Variants in PCDH15 observed in about 807,000 individuals in gnomAD.
PCDH15 encodes protocadherin related 15, also known as protocadherin-15.
PCDH15 carries 129 observed loss-of-function variants against 178.5 expected under a neutral mutation model. The ratio of observed to expected loss-of-function variants is 0.72; its 90% CI spans 0.63 to 0.84. The LOEUF is 0.84. Ranked by LOEUF, PCDH15 falls within the 40% of genes least tolerant of loss-of-function variation. The pLI, the probability that PCDH15 is intolerant of heterozygous loss-of-function variation, is 0.00. For missense variants in PCDH15, 2,230 were observed against 2,099.9 expected, an observed-to-expected ratio of 1.06 and a Z score of -1.21; for synonymous variants, 800 against 732.0, an observed-to-expected ratio of 1.09 and a Z score of -1.50.
intron 2 of PCDH15, among the ~76,000 whole-genome samples, chr10:55,157,846 C>A (rs997604369): frequency 1.3e-5 from 2 of 151,748 alleles, no homozygotes; most frequent in African/African-American, 4.8e-5. Flanking sequence ...AGGAGATATA[C>A]CTAATGTAAA....
At chr10:54,137,963 G>GT (rs1308264646) in intron 14 of PCDH15, among the ~76,000 whole-genome samples, 1 of 151,918 alleles carries the variant, frequency 6.6e-6, no homozygotes, top group Non-Finnish European at 1.5e-5. Flanking sequence ...AGGTGTTTTG[G>GT]TTTTTTTCTG....
At chr10:54,744,872 G>A (rs1945258900) in intron 1 of PCDH15, among the ~76,000 whole-genome samples, 1 of 152,064 alleles carries the variant, frequency 6.6e-6, no homozygotes, top group African/African-American at 2.4e-5. Flanking sequence ...CAGTAAGGGA[G>A]CAGGAAATGA....
At chr10:53,987,293 T>G (rs1160872968) in intron 21 of PCDH15, among the ~76,000 whole-genome samples, 1 of 152,038 alleles carries the variant, frequency 6.6e-6, no homozygotes, top group Non-Finnish European at 1.5e-5. Context: ...CTAGTAGTCT[T>G]TCAAGTTTTC....
At chr10:55,341,304 A>G (rs1311610149) in intron 2 of PCDH15, among the ~76,000 whole-genome samples, 1 of 152,082 alleles carries the variant, frequency 6.6e-6, no homozygotes, top group Non-Finnish European at 1.5e-5. Flanking sequence ...AATAGAAATA[A>G]TATCATTTAT....
rs73254083 is a variant in PCDH15 at position 54,832,064 on chromosome 10, C to T, written c.-29+65386G>A. 3.7e-3 allele frequency among the ~76,000 whole-genome samples: 561 copies of T among 152,130 alleles called. 1 individual carries two copies. The highest frequency in any genetic ancestry group is 0.013 in the African/African-American group (538 of 41,526). The stretch of plus-strand genomic sequence containing the variant: ...AAATATAAACTTGTTTACAGTTTTT[C>T]TATTGCCTTTGAAGTATCTACATTT... On this transcript the variant is annotated intron_variant, in intron 3 of 5. Coordinates refer to the PCDH15 transcript ENST00000458638.
At chr10:54,508,320 T>G (rs1301694672) in intron 3 of PCDH15, among the ~76,000 whole-genome samples, 1 of 151,982 alleles carries the variant, frequency 6.6e-6, no homozygotes, top group Non-Finnish European at 1.5e-5. Flanking sequence ...AGGGCAATGC[T>G]CTTGAAGTCA....
intron 1 of PCDH15, among the ~76,000 whole-genome samples, chr10:54,678,212 A>G (rs1047283835): frequency 2.6e-5 from 4 of 152,342 alleles, no homozygotes; most frequent in South Asian, 2.1e-4. Flanking sequence ...TTAAATGCAC[A>G]TGTACCTTTA....
intron 2 of PCDH15, among the ~76,000 whole-genome samples, chr10:55,061,389 AC>A (rs1214860135): frequency 6.6e-6 from 1 of 152,146 alleles, no homozygotes; most frequent in East Asian, 1.9e-4. Context: ...AATGGTCAAA[AC>A]CCAGAACATT....
chr10:53,912,057 C>T (rs115558806), intron 25 of PCDH15, among the ~76,000 whole-genome samples: 13,857 of 152,100 alleles, frequency 0.091, 687 homozygotes, highest in African/African-American at 0.11. Context: ...ATAAAATACC[C>T]GCAAACTGAA....
At chr10:54,206,183 T>C (rs1591164298) in intron 10 of PCDH15, among the ~76,000 whole-genome samples, 1 of 152,248 alleles carries the variant, frequency 6.6e-6, no homozygotes, top group Non-Finnish European at 1.5e-5. Context: ...TACCTTTCAA[T>C]GATAAAAATC....
At chr10:54,938,858 C>T (rs1203135500) in intron 2 of PCDH15, among the ~76,000 whole-genome samples, 2 of 152,012 alleles carry the variant, frequency 1.3e-5, no homozygotes, top group Non-Finnish European at 2.9e-5. Context: ...TATAGAAAAA[C>T]GTAAAGTTTC....
intron 1 of PCDH15, among the ~76,000 whole-genome samples, chr10:55,276,401 TC>T (rs1842597137): frequency 6.6e-6 from 1 of 151,246 alleles, no homozygotes; most frequent in South Asian, 2.1e-4. Context: ...TCATAGTATT[TC>T]TAATTTGCTA....
At chr10:54,967,516 CT>C (rs1838823427) in intron 2 of PCDH15, among the ~76,000 whole-genome samples, 1 of 152,060 alleles carries the variant, frequency 6.6e-6, no homozygotes, top group African/African-American at 2.4e-5. Flanking sequence ...GCTTCTTTCA[CT>C]TAACATAATT....
At chr10:54,641,658 CTCT>C (rs2093992035) in intron 2 of PCDH15, among the ~76,000 whole-genome samples, 1 of 152,014 alleles carries the variant, frequency 6.6e-6, no homozygotes. Context: ...ATTTTTCAAT[CTCT>C]TCACTTGTCT....
intron 2 of PCDH15, among the ~76,000 whole-genome samples, chr10:54,930,507 A>T (rs1196820580): frequency 2.0e-5 from 3 of 152,272 alleles, no homozygotes; most frequent in East Asian, 3.9e-4. Context: ...TTTACCCCAG[A>T]CAACGATGCT....
chr10:54,326,666 T>C (rs1938182859), intron 7 of PCDH15, among the ~76,000 whole-genome samples: 1 of 152,086 alleles, frequency 6.6e-6, no homozygotes, highest in Non-Finnish European at 1.5e-5. Context: ...TGAACTGAGA[T>C]TTGAACTCAG....
chr10:54,555,573 T>C (rs1286202872), intron 2 of PCDH15, among the ~76,000 whole-genome samples: 1 of 91,538 alleles, frequency 1.1e-5, no homozygotes, highest in Non-Finnish European at 2.5e-5. Flanking sequence ...CTACTAAAAA[T>C]ACAAAAAAAA....
chr10:54,474,099 C>T (rs1018017574), intron 3 of PCDH15, among the ~76,000 whole-genome samples: 4 of 151,692 alleles, frequency 2.6e-5, no homozygotes, highest in Admixed American at 6.6e-5. Context: ...TTTCTATATT[C>T]GAATTGCAAA....
intron 2 of PCDH15, among the ~76,000 whole-genome samples, chr10:55,511,059 T>TTG (rs1565209591): frequency 3.3e-5 from 5 of 149,710 alleles, no homozygotes; most frequent in African/African-American, 1.3e-4. Context: ...TTGTTTTTTT[T>TTG]TTTAGAGATA....
Sources: gnomAD v4.1 joint callset for allele counts (sites outside exome capture counted in the v4.1 genomes callset) on GRCh38, gnomAD v4.1.1 for gene constraint, MANE v1.5 for transcripts, NCBI Gene and HGNC (gene_info 2026-07-23, HGNC 2026-07-21) for gene names.